ATRN: variants seen among roughly 807,000 people sequenced by gnomAD.
ATRN encodes the protein attractin, also known as attractin-2.
In ATRN, 54 loss-of-function variants were observed where a neutral mutation model predicts 178.7. That is an observed-to-expected ratio of 0.30 (90% CI 0.24 to 0.38). The LOEUF is 0.38. ATRN is among the 10% of genes least tolerant of loss of function. The probability of loss-of-function intolerance (pLI) is 1.00; values close to 1 mark genes in which losing one functional copy is unlikely to be tolerated. For missense variants in ATRN, 1,443 were observed against 1,815.1 expected (o/e 0.79, Z 3.73); for synonymous variants, 636 against 663.0 (o/e 0.96, Z 0.63).
Position 3,649,229 on chromosome 20 carries a change from T to G in ATRN, c.*2382T>G, listed in dbSNP as rs1349157439. On this transcript the variant is annotated 3_prime_UTR_variant, in exon 29 of 29. Coordinates refer to ENST00000262919, the MANE Select transcript of ATRN (RefSeq NM_139321.3). Reference sequence around the variant, plus strand: ...TTCCAAGAAGGAATTGGTTGTCATCTGGCAGTGTTGCGCGTCACAAGAGAG... The same window carrying G: ...TTCCAAGAAGGAATTGGTTGTCATCGGGCAGTGTTGCGCGTCACAAGAGAG... 6.6e-6 allele frequency: 1 copy of G among 152,582 alleles called. No individual in the cohort carries two copies. The highest frequency in any genetic ancestry group is 2.4e-5 in the African/African-American group (1 of 41,434). 9.5% of individuals were successfully genotyped at this position (152,582 alleles called of 1,614,324 possible).
chr20:3,582,305 G>A lies in ATRN; in HGVS notation c.2715G>A (p.Lys905=). Reference sequence around the variant, plus strand: ...CAGAACCCAGTACTCGGGGACTGAAGGCTGCAACCTGCATCAACCCACTCA... The same window carrying A: ...CAGAACCCAGTACTCGGGGACTGAAAGCTGCAACCTGCATCAACCCACTCA... ...ILSEPSTRGL[K]AATCINPLNG... is the part of the protein sequence containing the mutation. Residue 905 remains lysine (K), a synonymous_variant, in exon 16 of 29, where the codon AAG becomes AAA. Transcript: ENST00000262919. 6.2e-7 allele frequency: 1 copy of A among 1,612,492 alleles called. No homozygotes were observed. Among genetic ancestry groups the A allele is most frequent in the Non-Finnish European group, 8.5e-7 (1 of 1,180,026 alleles).
intron 15 of ATRN, among the ~76,000 whole-genome samples, chr20:3,581,181 G>T (rs1485111602): frequency 6.6e-6 from 1 of 152,198 alleles, no homozygotes; most frequent in Non-Finnish European, 1.5e-5. Context: ...GAGCCCAGGG[G>T]TTTGAGGCTG....
At chr20:3,515,576 A>G (rs1409767430) in intron 1 of ATRN, among the ~76,000 whole-genome samples, 2 of 152,220 alleles carry the variant, frequency 1.3e-5, no homozygotes, top group Non-Finnish European at 2.9e-5. Flanking sequence ...GAGGAGGGTA[A>G]GGGTTAAAGT....
rs184977287 is a variant in ATRN at position 3,573,432 on chromosome 20, G to A, written c.2092+481G>A. 9.6e-3 allele frequency among the ~76,000 whole-genome samples: 1,463 copies of A among 152,214 alleles called. 26 individuals are homozygous for A. The highest frequency in any genetic ancestry group is 0.034 in the African/African-American group (1,401 of 41,518). ...ATTTGTGGTTACTGGCTACCATATT[G>A]GATGCAGATCTAACATTAAGGATGA... On this transcript the variant is annotated intron_variant, in intron 12 of 28. Transcript: ENST00000262919.
chr20:3,635,879 C>CTT (rs1164119658), intron 26 of ATRN, among the ~76,000 whole-genome samples: 1 of 152,036 alleles, frequency 6.6e-6, no homozygotes, highest in African/African-American at 2.4e-5. Flanking sequence ...TACTGATATA[C>CTT]TTTAAAAGCC....
intron 1 of ATRN, among the ~76,000 whole-genome samples, chr20:3,486,211 T>G (rs1282217911): frequency 5.3e-5 from 8 of 152,102 alleles, no homozygotes; most frequent in Admixed American, 5.2e-4. Flanking sequence ...ATGGAAGGTA[T>G]AACAAGTGTG....
intron 24 of ATRN, among the ~76,000 whole-genome samples, chr20:3,620,979 AT>A (rs1258720365): frequency 1.3e-5 from 2 of 152,008 alleles, no homozygotes; most frequent in Non-Finnish European, 2.9e-5. Context: ...TGATTTTTTT[AT>A]TTTATTTTTT....
rs898834600 is a variant in ATRN at position 3,482,900 on chromosome 20, A to G, written c.410+11383A>G. On this transcript the variant is annotated intron_variant, in intron 1 of 28. Transcript: ENST00000262919. ...TATTAATATGAAATATTTGAAGCCT[A>G]TGGAAGAGATGCGAGGAATATCTCT... Among the ~76,000 whole-genome samples the G allele has an allele frequency of 2.6e-5, 4 of 152,190 alleles. 1 individual carries two copies. The highest frequency in any genetic ancestry group is 9.7e-5 in the African/African-American group (4 of 41,444).
chr20:3,580,769 G>A (rs1324454760), intron 15 of ATRN, among the ~76,000 whole-genome samples: 1 of 152,158 alleles, frequency 6.6e-6, no homozygotes, highest in Non-Finnish European at 1.5e-5. Flanking sequence ...TTGAGCCTCA[G>A]GAAGGAACCA....
intron 25 of ATRN, among the ~76,000 whole-genome samples, chr20:3,630,468 C>T (rs1255041622): frequency 6.6e-6 from 1 of 152,012 alleles, no homozygotes; most frequent in African/African-American, 2.4e-5. Context: ...AGGCACCAAC[C>T]TCTCAGGGAA....
intron 1 of ATRN, chr20:3,490,086 C>T (rs1332259029): frequency 2.1e-5 from 28 of 1,334,160 alleles, no homozygotes; most frequent in African/African-American, 8.7e-5. Flanking sequence ...CTCAATGTCT[C>T]GCTTGGTGCC....
At chr20:3,628,049 A>G (rs1365868487) in intron 25 of ATRN, among the ~76,000 whole-genome samples, 2 of 152,032 alleles carry the variant, frequency 1.3e-5, no homozygotes, top group Non-Finnish European at 2.9e-5. Flanking sequence ...GTGGGCGCCT[A>G]TAATCCCAGC....
intron 6 of ATRN, among the ~76,000 whole-genome samples, chr20:3,557,708 C>T (rs1332599945): frequency 6.6e-6 from 1 of 152,108 alleles, no homozygotes; most frequent in Non-Finnish European, 1.5e-5. Flanking sequence ...AGGACCTGGA[C>T]ATTGTAAAAA....
At chr20:3,586,026 G>A (rs1208345591) in intron 18 of ATRN, among the ~76,000 whole-genome samples, 2 of 152,112 alleles carry the variant, frequency 1.3e-5, no homozygotes, top group Non-Finnish European at 2.9e-5. Flanking sequence ...GTTATCATAC[G>A]GCCCAGCAGT....
intron 1 of ATRN, among the ~76,000 whole-genome samples, chr20:3,501,221 CAG>C (rs2084960041): frequency 6.6e-6 from 1 of 152,062 alleles, no homozygotes; most frequent in African/African-American, 2.4e-5. Context: ...AAGGTAGAAA[CAG>C]AGAAGTTGTT....
In ATRN at chr20:3,636,226, C is replaced by A. The variant is rs187167204; in HGVS notation, c.3942+1837C>A. Among the ~76,000 whole-genome samples, 1,236 of 152,272 alleles carry A rather than the reference C, an allele frequency of 8.1e-3. 7 individuals are homozygous for A. Among genetic ancestry groups the A allele is most frequent in the Non-Finnish European group, 0.01 (698 of 68,028 alleles). On this transcript the variant is annotated intron_variant, in intron 26 of 28. Transcript: ENST00000262919. Reference sequence around the variant, plus strand: ...CAGAAATCTTGGTACCAAAACCTGACAAAGGTAGCACCAAAATACAAAGGG... The same window carrying A: ...CAGAAATCTTGGTACCAAAACCTGAAAAAGGTAGCACCAAAATACAAAGGG...
chr20:3,590,536 G>A (rs2086426692), intron 18 of ATRN, among the ~76,000 whole-genome samples: 1 of 152,144 alleles, frequency 6.6e-6, no homozygotes, highest in Non-Finnish European at 1.5e-5. Flanking sequence ...TATCCATTAG[G>A]AGTCTTAGTA....
chr20:3,589,225 C>G (rs1484195762), intron 18 of ATRN, among the ~76,000 whole-genome samples: 1 of 151,978 alleles, frequency 6.6e-6, no homozygotes, highest in African/African-American at 2.4e-5. Flanking sequence ...GTCTCGATCT[C>G]CTGACCTCGT....
rs1288805746 is a variant in ATRN at position 3,573,719 on chromosome 20, G to A, written c.2092+768G>A. The stretch of plus-strand genomic sequence containing the variant: ...GACATAGAGCACAATGCGGTACAGT[G>A]AAGCGATATATTAAAAATTTATTTT... On this transcript the variant is annotated intron_variant, in intron 12 of 28. Coordinates refer to ENST00000262919, the MANE Select transcript of ATRN (RefSeq NM_139321.3). 2.0e-5 allele frequency among the ~76,000 whole-genome samples: 3 copies of A among 151,756 alleles called. No homozygotes were observed. In the East Asian group the frequency reaches 5.8e-4, roughly 29 times the overall value.
Sources: allele counts gnomAD v4.1 joint callset (sites outside exome capture counted in the v4.1 genomes callset), GRCh38; gene constraint gnomAD v4.1.1; transcripts MANE v1.5; gene names NCBI Gene and HGNC (gene_info 2026-07-23, HGNC 2026-07-21).